ATP11A: variants seen among roughly 807,000 people sequenced by gnomAD.
The protein encoded by ATP11A is phospholipid-transporting ATPase IH.
Under a neutral mutation model 154.4 loss-of-function variants are expected in ATP11A, and 81 were observed. The observed-to-expected ratio is 0.52, with a 90% CI of 0.44 to 0.63. The LOEUF is 0.63. Among genes scored for constraint, ATP11A ranks in the 30% least tolerant of loss-of-function variants. The probability of loss-of-function intolerance (pLI) is 0.00; values close to 1 mark genes in which losing one functional copy is unlikely to be tolerated. For missense variants in ATP11A, 1,316 were observed against 1,474.3 expected, an observed-to-expected ratio of 0.89 and a Z score of 1.76; for synonymous variants, 623 against 585.9, an observed-to-expected ratio of 1.06 and a Z score of -0.91.
chr13:112,850,133 C>G (rs1385081002), intron 17 of ATP11A, among the ~76,000 whole-genome samples: 1 of 152,168 alleles, frequency 6.6e-6, no homozygotes, highest in Non-Finnish European at 1.5e-5. Context: ...TAAATATGAG[C>G]CTTCCCTGAG....
At chr13:112,834,530 C>T (rs555901639) in intron 14 of ATP11A, 59 bp from the exon 15 acceptor site, 34 of 1,117,984 alleles carry the variant, frequency 3.0e-5, no homozygotes, top group Non-Finnish European at 4.2e-5. Context: ...AGCAAATACT[C>T]TATGAAAGAG....
Position 112,857,853 on chromosome 13 carries a change from A to G in ATP11A, c.2454A>G (p.Pro818=). 2.5e-6 allele frequency: 4 copies of G among 1,614,234 alleles called. No individual in the cohort carries two copies. The highest frequency in any genetic ancestry group is 3.4e-6 in the Non-Finnish European group (4 of 1,180,042). Residue 818 remains proline, a synonymous_variant, in exon 21 of 30, where the codon CCA becomes CCG. Coordinates refer to ENST00000375645, the MANE Select transcript of ATP11A (RefSeq NM_015205.3). ...VKLIKFSKEH[P]ITLAIGDGAN... is the part of the protein sequence containing the mutation. ...TAATCAAATTTTCAAAAGAGCACCC[A>G]ATCACGTTAGCAATTGGCGATGGTG...
At chr13:112,709,846 C>G (rs1887540655) in intron 1 of ATP11A, among the ~76,000 whole-genome samples, 1 of 152,284 alleles carries the variant, frequency 6.6e-6, no homozygotes, top group South Asian at 2.1e-4. Context: ...TAAATCTCTT[C>G]AGATATTTTA....
At chr13:112,862,632 C>G (rs2080146620) in intron 25 of ATP11A, 57 bp downstream of exon 25, 1 of 1,608,192 alleles carries the variant, frequency 6.2e-7, no homozygotes, top group Non-Finnish European at 8.5e-7. Context: ...GCCTCCCAAG[C>G]CCATATGATG....
chr13:112,822,289 A>T (rs1175699526), intron 8 of ATP11A, among the ~76,000 whole-genome samples: 1 of 152,132 alleles, frequency 6.6e-6, no homozygotes, highest in Non-Finnish European at 1.5e-5. Context: ...TCAGCAGGGA[A>T]CCCTGTTATA....
At chr13:112,709,629 T>A (rs528925337) in intron 1 of ATP11A, among the ~76,000 whole-genome samples, 45 of 152,374 alleles carry the variant, frequency 3.0e-4, no homozygotes, top group African/African-American at 1.1e-3. Context: ...CAACCAATTG[T>A]CAACCAGAAG....
chr13:112,735,903 T>C (rs148584944), intron 1 of ATP11A, among the ~76,000 whole-genome samples: 25 of 152,358 alleles, frequency 1.6e-4, no homozygotes, highest in Non-Finnish European at 2.8e-4. Flanking sequence ...ATGGTCCGTG[T>C]GCTCCTCCAT....
At chr13:112,779,615 C>G (rs993807395) in intron 1 of ATP11A, among the ~76,000 whole-genome samples, 4 of 152,198 alleles carry the variant, frequency 2.6e-5, no homozygotes, top group African/African-American at 9.7e-5. Context: ...CTTCTGACAT[C>G]TAGGAATGAC....
chr13:112,725,228 G>T (rs1399093704), intron 1 of ATP11A, among the ~76,000 whole-genome samples: 2 of 152,172 alleles, frequency 1.3e-5, no homozygotes, highest in African/African-American at 4.8e-5. Context: ...GGACAGACAG[G>T]TAAACCTGTG....
At chr13:112,787,416 C>A (rs1467295030) in intron 2 of ATP11A, among the ~76,000 whole-genome samples, 1 of 132,072 alleles carries the variant, frequency 7.6e-6, no homozygotes, top group Non-Finnish European at 1.5e-5. Context: ...TGTGTAGACC[C>A]CTGTGGAGAC....
intron 25 of ATP11A, among the ~76,000 whole-genome samples, chr13:112,865,493 A>G (rs527766406): frequency 5.8e-4 from 89 of 152,322 alleles, no homozygotes; most frequent in African/African-American, 1.8e-3. Context: ...TAAAGATCGC[A>G]TTACCTGAGT....
At chr13:112,853,605 G>A (rs913323815) in intron 18 of ATP11A, among the ~76,000 whole-genome samples, 1 of 152,146 alleles carries the variant, frequency 6.6e-6, no homozygotes, top group Admixed American at 6.5e-5. Flanking sequence ...GCTTACCCCC[G>A]ACACCTTCTG....
rs1394220106 is a variant in ATP11A at position 112,832,767 on chromosome 13, C to G, written c.1396-93C>G. ...CCTTCGTGGCCGCGGGGACCCCCCC[C>G]ACCCCGCTTCTTGTTATCTCTCTGC... On this transcript the variant is annotated intron_variant, in intron 13 of 29. Transcript: ENST00000375645. 5.4e-6 allele frequency: 8 copies of G among 1,482,624 alleles called. No individual in the cohort carries two copies. The South Asian group carries it at 6.5e-5, about 12-fold the overall frequency. The allele number at this position is 1,482,624 out of a possible 1,614,324, so 91.8% of individuals were successfully genotyped here.
At chr13:112,826,585 T>C (rs1363181586) in intron 11 of ATP11A, 109 bp from the exon 12 acceptor site, 3 of 868,482 alleles carry the variant, frequency 3.5e-6, no homozygotes, top group Non-Finnish European at 3.8e-6. Context: ...TTGTATTTAG[T>C]AGTAGCGCTC....
chr13:112,741,954 G>A (rs969179714), intron 1 of ATP11A, among the ~76,000 whole-genome samples: 6 of 151,588 alleles, frequency 4.0e-5, no homozygotes, highest in South Asian at 2.1e-4. Flanking sequence ...ACGGAAGAGC[G>A]CTCCCCTTCC....
intron 1 of ATP11A, among the ~76,000 whole-genome samples, chr13:112,726,572 CCTT>C (rs1188126936): frequency 1.3e-5 from 2 of 152,176 alleles, no homozygotes. Context: ...CAGCTCCTGA[CCTT>C]CTCCATCTGT....
chr13:112,872,519 G>A (rs1250188801), intron 26 of ATP11A, among the ~76,000 whole-genome samples: 2 of 152,248 alleles, frequency 1.3e-5, no homozygotes, highest in African/African-American at 4.8e-5. Context: ...GCTGAGGCAC[G>A]AGAATCGCTT....
At chr13:112,863,011 C>T (rs567920928) in intron 25 of ATP11A, among the ~76,000 whole-genome samples, 4 of 148,952 alleles carry the variant, frequency 2.7e-5, no homozygotes, top group Non-Finnish European at 4.4e-5. Flanking sequence ...AGCTTCCCAG[C>T]GGGGTCCATC....
At chr13:112,853,004 T>C (rs2079815775) in intron 18 of ATP11A, among the ~76,000 whole-genome samples, 1 of 152,100 alleles carries the variant, frequency 6.6e-6, no homozygotes, top group South Asian at 2.1e-4. Flanking sequence ...GAGGATTGAT[T>C]AAGGCCAGGA....
Sources: allele counts gnomAD v4.1 joint callset (sites outside exome capture counted in the v4.1 genomes callset), GRCh38; gene constraint gnomAD v4.1.1; transcripts MANE v1.5; gene names NCBI Gene and HGNC (gene_info 2026-07-23, HGNC 2026-07-21).